C10orf88: variants seen among roughly 807,000 people sequenced by gnomAD.
The protein encoded by C10orf88 is chromosome 10 open reading frame 88.
A neutral mutation model predicts 34.2 loss-of-function variants in C10orf88; 29 were observed. That is an observed-to-expected ratio of 0.85 (90% CI 0.63 to 1.16). C10orf88 has a LOEUF of 1.16. C10orf88 is among the 50% of genes most tolerant of loss of function. The probability of loss-of-function intolerance (pLI) is 0.00; values close to 1 mark genes in which losing one functional copy is unlikely to be tolerated. For missense variants in C10orf88, 507 were observed against 533.2 expected (o/e 0.95, Z 0.48); for synonymous variants, 194 against 197.4 (o/e 0.98, Z 0.15).
chr10:122,939,169 T>C (rs1318111267), intron 4 of C10orf88, among the ~76,000 whole-genome samples: 1 of 151,958 alleles, frequency 6.6e-6, no homozygotes, highest in Non-Finnish European at 1.5e-5. Flanking sequence ...TACTCTGTGC[T>C]AGTATTGTTT....
intron 4 of C10orf88, among the ~76,000 whole-genome samples, chr10:122,940,927 GTGTATA>G (rs1284110583): frequency 2.0e-5 from 3 of 152,048 alleles, no homozygotes; most frequent in African/African-American, 7.2e-5. Flanking sequence ...ATATGTGTAT[GTGTATA>G]TGTATAACTA....
chr10:122,936,334 T>C (rs1453693052), intron 5 of C10orf88, among the ~76,000 whole-genome samples: 1 of 151,826 alleles, frequency 6.6e-6, no homozygotes, highest in Non-Finnish European at 1.5e-5. Flanking sequence ...TACTGATGAT[T>C]GCATCTTCTT....
chr10:122,940,804 A>T lies in C10orf88; in HGVS notation c.649-2645T>A, dbSNP rs548477235. Among the ~76,000 whole-genome samples the T allele has an allele frequency of 7.2e-5, 11 of 152,168 alleles. No individual in the cohort carries two copies. In the South Asian group the frequency reaches 2.3e-3, roughly 31 times the overall value. On this transcript the variant is annotated intron_variant, in intron 4 of 5. Transcript: ENST00000481909. ...ATGAATAGGTAACTGCATAATATTC[A>T]TAAAACCATAGAAAGCTGTATTTAT...
At chr10:122,948,495 A>C (rs909794438) in intron 4 of C10orf88, among the ~76,000 whole-genome samples, 154 bp downstream of exon 4, 2 of 152,218 alleles carry the variant, frequency 1.3e-5, no homozygotes, top group Non-Finnish European at 2.9e-5. Context: ...CACTTTGTAG[A>C]AGGGCAAATC....
rs771408428 is a variant in C10orf88, at chr10:122,938,052, C to T, written c.756G>A (p.Ser252=). The T allele has an allele frequency of 6.0e-5, 96 of 1,613,104 alleles. No homozygotes were observed. The highest frequency in any genetic ancestry group is 4.1e-4 in the South Asian group (37 of 91,062). The change falls in exon 5 of 6, where the codon TCG becomes TCA. Residue 252 remains serine, a synonymous_variant. Transcript: ENST00000481909. ...SSSTLGTLNK[S]SSTPFPFRTG... ...TTCTAAAAGGAAAAGGTGTGGAGGA[C>T]GACTTGTTTAAGGTTCCTAAGGTAG...
At position 122,937,786 on chromosome 10, in the gene C10orf88, T is replaced by G. The variant is rs774944097; in HGVS notation, c.1022A>C (p.Gln341Pro). 2.2e-5 allele frequency: 36 copies of G among 1,613,132 alleles called. No homozygotes were observed. In the Admixed American group the frequency reaches 2.7e-4, roughly 12 times the overall value. Reference protein sequence around the residue: ...LLPFLQNLCSQVNHLHVGNKT... With the variant: ...LLPFLQNLCSPVNHLHVGNKT... ...ATTTCCCACATGGAGATGATTAACT[T>G]GACTACATAAATTCTGGAGAAAAGG... is the stretch of plus-strand genomic sequence containing the variant. Residue 341 changes from glutamine (Q) to proline (P), a missense_variant, in exon 5 of 6, where the codon CAA becomes CCA. Gln to Pro is a moderately conservative substitution (Grantham distance 76). Coordinates refer to ENST00000481909, the MANE Select transcript of C10orf88 (RefSeq NM_024942.4).
At chr10:122,953,936 T>C (rs1848720535) in intron 1 of C10orf88, 79 bp downstream of exon 1, 1 of 1,275,196 alleles carries the variant, frequency 7.8e-7, no homozygotes, top group Non-Finnish European at 1.0e-6. Context: ...GCTCAGACCC[T>C]CTCGCCTCCC....
At chr10:122,942,590 G>C (rs1343521129) in intron 4 of C10orf88, among the ~76,000 whole-genome samples, 8 of 150,148 alleles carry the variant, frequency 5.3e-5, no homozygotes, top group African/African-American at 1.9e-4. Flanking sequence ...AATTGTCCCT[G>C]TTTGCAGATG....
rs1040406465 is a variant in C10orf88 at position 122,937,883 on chromosome 10, T to C, written c.925A>G (p.Lys309Glu). Reference sequence around the variant, plus strand: ...GGTAAGAAAGAGGCCATTGCATTTTTAAGATCATTTTCAAGAAAGGAATGG... The same window carrying C: ...GGTAAGAAAGAGGCCATTGCATTTTCAAGATCATTTTCAAGAAAGGAATGG... ...QNHSFLENDL[K>E]NAMASFLPKK... is the part of the protein sequence containing the mutation. The change falls in exon 5 of 6, where the codon AAA (lysine) becomes GAA (glutamate). Residue 309 changes from lysine to glutamate, a missense_variant. Transcript: ENST00000481909. 3 of 1,613,400 alleles carry C rather than the reference T, an allele frequency of 1.9e-6. No homozygotes were observed. The highest frequency in any genetic ancestry group is 1.7e-6 in the Non-Finnish European group (2 of 1,179,512).
chr10:122,943,644 C>A (rs998881736), intron 4 of C10orf88, among the ~76,000 whole-genome samples: 19 of 152,242 alleles, frequency 1.2e-4, no homozygotes, highest in Admixed American at 1.2e-3. Flanking sequence ...GGGCTAATAT[C>A]CAGAATCTGC....
rs1350522775 is a variant in C10orf88, at chr10:122,931,101, G to C, written c.*1326C>G. The C allele has an allele frequency of 3.9e-5, 6 of 152,188 alleles. No homozygotes were observed. Among genetic ancestry groups the C allele is most frequent in the Non-Finnish European group, 8.8e-5 (6 of 68,036 alleles). The allele number at this position is 152,188 out of a possible 1,614,324, so 9.4% of individuals were successfully genotyped here. A position where few individuals can be genotyped will look rare whatever the true frequency, so the allele number is the denominator to read the frequency against. ...GGGCAGTGAACTTCCTAAAACCAGA[G>C]TGCTGCCTTCCTTTTTGTCCTTTCA... On this transcript the variant is annotated 3_prime_UTR_variant, in exon 6 of 6. Coordinates refer to ENST00000481909, the MANE Select transcript of C10orf88 (RefSeq NM_024942.4).
intron 4 of C10orf88, among the ~76,000 whole-genome samples, chr10:122,947,630 C>A (rs750481050): frequency 2.6e-5 from 4 of 152,128 alleles, no homozygotes; most frequent in Non-Finnish European, 4.4e-5. Context: ...AGGTTCATTC[C>A]ATTTCTCCTA....
Position 122,952,029 on chromosome 10 carries a change from A to G in C10orf88, c.369-3T>C. On this transcript the variant is annotated splice_polypyrimidine_tract_variant and splice_region_variant and intron_variant, in intron 2 of 5. Transcript: ENST00000481909. ...ACAAAATGATCTTTTCATGTTCACT[A>G]AAAATAAAAAAGAATTAATTTTTTT... The G allele has an allele frequency of 7.2e-7, 1 of 1,385,140 alleles. No homozygotes were observed. The highest frequency in any genetic ancestry group is 1.0e-6 in the Non-Finnish European group (1 of 996,266). The allele number at this position is 1,385,140 out of a possible 1,614,324, so 85.8% of individuals were successfully genotyped here.
chr10:122,937,947 A>T lies in C10orf88; in HGVS notation c.861T>A (p.Asn287Lys). The change falls in exon 5 of 6, where the codon AAT becomes AAA. Residue 287 changes from asparagine to lysine, a missense_variant. Physicochemically the swap from Asn to Lys is moderately conservative, Grantham distance 94. Transcript: ENST00000481909. ...CTTTACACTCATCAAGCTTGGTAGA[A>T]TTCTCTCCACCAGGCAGTTGTGTAC... ...DKSTQLPGGE[N>K]STKLDECKVM... 1 of 1,613,334 alleles carries T rather than the reference A, an allele frequency of 6.2e-7. No homozygotes were observed. The highest frequency in any genetic ancestry group is 1.1e-5 in the South Asian group (1 of 91,050).
rs770980029 is a variant in C10orf88 at position 122,932,414 on chromosome 10, T to G, written c.*13A>C. 6 of 1,591,674 alleles carry G rather than the reference T, an allele frequency of 3.8e-6. No homozygotes were observed. In the South Asian group the frequency reaches 6.7e-5, roughly 18 times the overall value. ...GTAATAAATATCTGCAGTACACTGTTTATGTTGAGAGCTTATCTTTCTCCA... is the reference window on the plus strand; with the variant it reads ...GTAATAAATATCTGCAGTACACTGTGTATGTTGAGAGCTTATCTTTCTCCA... On this transcript the variant is annotated 3_prime_UTR_variant, in exon 6 of 6. Coordinates refer to ENST00000481909, the MANE Select transcript of C10orf88 (RefSeq NM_024942.4).
chr10:122,949,083 C>A (rs1406412247), intron 3 of C10orf88, among the ~76,000 whole-genome samples: 1 of 152,058 alleles, frequency 6.6e-6, no homozygotes, highest in African/African-American at 2.4e-5. Flanking sequence ...ATTAAGACTT[C>A]ATGTAAAATA....
At chr10:122,935,828 T>C (rs1213812648) in intron 5 of C10orf88, among the ~76,000 whole-genome samples, 4 of 151,762 alleles carry the variant, frequency 2.6e-5, no homozygotes, top group Non-Finnish European at 4.4e-5. Context: ...ATTTCACATA[T>C]CCTTATATAT....
At chr10:122,938,396 C>A (rs1052645705) in intron 4 of C10orf88, among the ~76,000 whole-genome samples, 1 of 151,986 alleles carries the variant, frequency 6.6e-6, no homozygotes, top group Non-Finnish European at 1.5e-5. Context: ...TCACTTAACT[C>A]CACAGTCATG....
At chr10:122,945,031 T>C (rs1201107449) in intron 4 of C10orf88, among the ~76,000 whole-genome samples, 1 of 150,434 alleles carries the variant, frequency 6.6e-6, no homozygotes, top group Non-Finnish European at 1.5e-5. Context: ...TATATGCGTG[T>C]ATATATGTGT....
Sources: allele counts gnomAD v4.1 joint callset (sites outside exome capture counted in the v4.1 genomes callset), GRCh38; gene constraint gnomAD v4.1.1; transcripts MANE v1.5; gene names NCBI Gene and HGNC (gene_info 2026-07-23, HGNC 2026-07-21).